The following GPM6B variants were observed in gnomAD, a reference collection of about 807,000 sequenced individuals.
The protein encoded by GPM6B is neuronal membrane glycoprotein M6-b.
In GPM6B, 4 loss-of-function variants were observed where a neutral mutation model predicts 27.2. That is an observed-to-expected ratio of 0.15 (90% CI 0.07 to 0.34). GPM6B has a LOEUF of 0.34. Among genes scored for constraint, GPM6B ranks in the 10% least tolerant of loss-of-function variants. The probability of loss-of-function intolerance (pLI) is 1.00; values close to 1 mark genes in which losing one functional copy is unlikely to be tolerated. For missense variants in GPM6B, 183 were observed against 261.9 expected (o/e 0.70, Z 2.08); for synonymous variants, 124 against 103.1 (o/e 1.20, Z -1.23).
chrX:13,864,422 T>C (rs934853870), intron 1 of GPM6B, among the ~76,000 whole-genome samples: 1 of 112,352 alleles, frequency 8.9e-6, no homozygotes, highest in Non-Finnish European at 1.9e-5. Flanking sequence ...AAAGGAATCT[T>C]GGGAGGACAC....
At chrX:13,902,328 AT>A (rs72083390) in intron 1 of GPM6B, among the ~76,000 whole-genome samples, 64 of 103,996 alleles carry the variant, frequency 6.2e-4, no homozygotes, top group South Asian at 8.4e-4. Flanking sequence ...TGTGGACTGG[AT>A]TTTTTTTTTT....
intron 2 of GPM6B, among the ~76,000 whole-genome samples, chrX:13,794,922 C>G (rs1029369742): frequency 1.8e-5 from 2 of 111,885 alleles, no homozygotes; most frequent in Admixed American, 1.9e-4. Flanking sequence ...CAAACACCCC[C>G]TTTCTTGAAA....
intron 1 of GPM6B, among the ~76,000 whole-genome samples, chrX:13,866,328 A>G (rs1045271324): frequency 8.9e-6 from 1 of 112,307 alleles, no homozygotes; most frequent in South Asian, 3.7e-4. Flanking sequence ...GCGCCATTGC[A>G]CTCCAGTCTG....
chrX:13,859,382 T>G (rs910394636), intron 1 of GPM6B, among the ~76,000 whole-genome samples: 2 of 112,052 alleles, frequency 1.8e-5, no homozygotes, highest in African/African-American at 6.5e-5. Context: ...GATTTTTCCA[T>G]GTTTTTGTGT....
chrX:13,813,659 T>C (rs1299335059), intron 1 of GPM6B, among the ~76,000 whole-genome samples: 1 of 112,339 alleles, frequency 8.9e-6, no homozygotes, highest in East Asian at 2.8e-4. Context: ...CAATTTCAGA[T>C]GCATTTATTT....
At chrX:13,842,356 C>T (rs940591771) in intron 1 of GPM6B, among the ~76,000 whole-genome samples, 1 of 111,779 alleles carries the variant, frequency 8.9e-6, no homozygotes, top group African/African-American at 3.3e-5. Flanking sequence ...CACTTCATTG[C>T]CAGGGAGAGA....
At chrX:13,808,279 G>T (rs767254200) in intron 1 of GPM6B, among the ~76,000 whole-genome samples, 1 of 112,184 alleles carries the variant, frequency 8.9e-6, no homozygotes, top group Non-Finnish European at 1.9e-5. Context: ...CTGCAGTATT[G>T]TCTGTCACCT....
At chrX:13,921,603 T>G in intron 1 of GPM6B, among the ~76,000 whole-genome samples, 1 of 92,174 alleles carries the variant, frequency 1.1e-5, no homozygotes, top group Admixed American at 1.2e-4. Context: ...TTAGACAGAG[T>G]CTTACTCTGT....
At chrX:13,817,283 C>G (rs2049255757), upstream of GPM6B, 30 of 789,610 alleles carry the variant, frequency 3.8e-5, no homozygotes, top group Non-Finnish European at 4.4e-5. Context: ...TGCTCTCTTT[C>G]TTAAGATCTC....
intron 1 of GPM6B, among the ~76,000 whole-genome samples, chrX:13,898,010 C>A (rs897901566): frequency 1.2e-4 from 13 of 112,341 alleles, no homozygotes; most frequent in African/African-American, 3.9e-4. Context: ...TTAATGTCAA[C>A]TGCAGAGCTT....
At chrX:13,891,306 C>T (rs2050186192) in intron 1 of GPM6B, among the ~76,000 whole-genome samples, 1 of 110,757 alleles carries the variant, frequency 9.0e-6, no homozygotes. Context: ...CCAGGTGATT[C>T]AAATACATTT....
upstream of GPM6B, chrX:13,817,182 G>C: frequency 2.2e-6 from 2 of 907,258 alleles, no homozygotes; most frequent in East Asian, 5.1e-5. Context: ...TCGGCGCCCG[G>C]TGGTGCCTAC....
At chrX:13,888,792 A>T (rs775852653) in intron 1 of GPM6B, among the ~76,000 whole-genome samples, 2 of 111,486 alleles carry the variant, frequency 1.8e-5, no homozygotes, top group Non-Finnish European at 3.8e-5. Flanking sequence ...ATCACAACTG[A>T]TTCTGATGGT....
intron 2 of GPM6B, among the ~76,000 whole-genome samples, chrX:13,806,675 C>T (rs964953082): frequency 6.2e-5 from 7 of 112,395 alleles, no homozygotes; most frequent in African/African-American, 2.3e-4. Context: ...CTTTGTAATT[C>T]AATGGGTAAC....
chrX:13,798,669 G>A (rs2147158461), intron 2 of GPM6B, among the ~76,000 whole-genome samples: 1 of 112,740 alleles, frequency 8.9e-6, no homozygotes, highest in Non-Finnish European at 1.9e-5. Context: ...ATCCATGCCT[G>A]CAATAAGCTT....
rs1220396653 is a variant in GPM6B at position 13,772,029 on chromosome X, G to A, written c.*852C>T. ...TAAGGTAACACTTCTTAATAATTAA[G>A]AAAAACATTTATGGAACAAAATTCT... is the stretch of plus-strand genomic sequence containing the variant. On this transcript the variant is annotated 3_prime_UTR_variant, in exon 8 of 8. Transcript: ENST00000316715. 8.9e-6 allele frequency: 1 copy of A among 112,206 alleles called. No homozygotes were observed. Among genetic ancestry groups the A allele is most frequent in the Admixed American group, 9.5e-5 (1 of 10,578 alleles). 9.2% of individuals were successfully genotyped at this position (112,206 alleles called of 1,213,427 possible).
intron 7 of GPM6B, 99 bp from the exon 8 acceptor site, chrX:13,773,129 G>C: frequency 1.4e-6 from 1 of 692,210 alleles, no homozygotes; most frequent in Non-Finnish European, 2.2e-6. Flanking sequence ...AGGGGCGAAG[G>C]TTAATTCTGT....
intron 1 of GPM6B, among the ~76,000 whole-genome samples, chrX:13,913,811 G>T (rs921338645): frequency 1.8e-5 from 2 of 111,431 alleles, no homozygotes; most frequent in East Asian, 5.6e-4. Flanking sequence ...GAGTGCAGTG[G>T]CATGAACACG....
chrX:13,904,132 AAAC>A (rs962046944), intron 1 of GPM6B, among the ~76,000 whole-genome samples: 3 of 111,974 alleles, frequency 2.7e-5, no homozygotes, highest in Non-Finnish European at 3.8e-5. Context: ...TCAAAATAAA[AAAC>A]AAGTTTGAAA....
Sources: gnomAD v4.1 joint callset for allele counts (sites outside exome capture counted in the v4.1 genomes callset) on GRCh38, gnomAD v4.1.1 for gene constraint, MANE v1.5 for transcripts, NCBI Gene and HGNC (gene_info 2026-07-23, HGNC 2026-07-21) for gene names.